The following ITGA1 variants were observed in gnomAD, a reference collection of about 807,000 sequenced individuals.
ITGA1 encodes the protein integrin subunit alpha 1, also known as integrin alpha-1.
In ITGA1, 85 loss-of-function variants were observed where a neutral mutation model predicts 145.9. The observed-to-expected ratio is 0.58, with a 90% CI of 0.49 to 0.70. The LOEUF (loss-of-function observed/expected upper bound fraction) is 0.70, where lower values mean the gene tolerates loss of function less well. Ranked by LOEUF, ITGA1 falls within the 30% of genes least tolerant of loss-of-function variation. ITGA1 has a pLI of 0.00. For synonymous variants in ITGA1, 520 were observed against 495.3 expected, an observed-to-expected ratio of 1.05 and a Z score of -0.66; for missense variants, 1,351 against 1,418.7, an observed-to-expected ratio of 0.95 and a Z score of 0.77.
chr5:52,833,153 C>A (rs1476889573), intron 1 of ITGA1, among the ~76,000 whole-genome samples: 36 of 150,900 alleles, frequency 2.4e-4, no homozygotes, highest in Non-Finnish European at 1.3e-4. Flanking sequence ...GATAGTGCCA[C>A]TGCACTCCAA....
chr5:52,801,429 C>T, intron 1 of ITGA1: 1 of 1,613,542 alleles, frequency 6.2e-7, no homozygotes, highest in Non-Finnish European at 8.5e-7. Context: ...CCTCCGGACA[C>T]AAGTACTCCC....
chr5:52,818,888 A>G (rs1466892867), intron 1 of ITGA1, among the ~76,000 whole-genome samples: 1 of 152,158 alleles, frequency 6.6e-6, no homozygotes, highest in East Asian at 1.9e-4. Context: ...AAACACTATT[A>G]CCTAGCTTAA....
intron 1 of ITGA1, among the ~76,000 whole-genome samples, chr5:52,842,463 C>T (rs531829235): frequency 3.4e-4 from 51 of 152,224 alleles, no homozygotes; most frequent in Middle Eastern, 3.4e-3. Flanking sequence ...AGGGAAAAGT[C>T]CTCTTTTGAA....
rs58664401 is a variant in ITGA1, at chr5:52,872,575, A to ATTTTTTTTTTTTTTTTTTTTTTTTTT, written c.624+6776_624+6777insTTTTTTTTTTTTTTTTTTTTTTTTTT. Among the ~76,000 whole-genome samples the ATTTTTTTTTTTTTTTTTTTTTTTTTT allele has an allele frequency of 1.0e-3, 103 of 98,344 alleles. 14 individuals are homozygous for ATTTTTTTTTTTTTTTTTTTTTTTTTT. Among genetic ancestry groups the ATTTTTTTTTTTTTTTTTTTTTTTTTT allele is most frequent in the East Asian group, 3.1e-3 (7 of 2,286 alleles). 64.5% of individuals were successfully genotyped at this position (98,344 alleles called of 152,430 possible). A position where few individuals can be genotyped will look rare whatever the true frequency, so the allele number is the denominator to read the frequency against. ...CTTCCCCTTACACCCGCCTCAGTCA[A>ATTTTTTTTTTTTTTTTTTTTTTTTTT]TTTTTTTTTTTTTTTTTTGTGGGTG... On this transcript the variant is annotated intron_variant, in intron 6 of 28. Transcript: ENST00000282588.
rs769387631 is a variant in ITGA1, at chr5:52,908,967, C to G, written c.1525C>G (p.Leu509Val). 4 of 1,613,688 alleles carry G rather than the reference C, an allele frequency of 2.5e-6. No homozygotes were observed. In the African/African-American group the frequency reaches 4.0e-5, roughly 16 times the overall value. The change falls in exon 13 of 29, where the codon CTA (leucine) becomes GTA (valine). Residue 509 changes from leucine (L) to valine (V), a missense_variant. Transcript: ENST00000282588. ...IDKDSNTDIL[L>V]VGAPMYMGTE... ...CAAGGATTCTAATACTGACATTCTT[C>G]TAGTCGGAGCCCCTATGTACATGGG... is the stretch of plus-strand genomic sequence containing the variant.
intron 1 of ITGA1, chr5:52,801,894 A>T (rs1748496426): frequency 7.6e-7 from 1 of 1,313,886 alleles, no homozygotes; most frequent in Non-Finnish European, 1.0e-6. Flanking sequence ...GTTACAGTAC[A>T]TTTCTCAGCA....
At chr5:52,922,426 T>C (rs1286796264) in intron 17 of ITGA1, among the ~76,000 whole-genome samples, 4 of 152,210 alleles carry the variant, frequency 2.6e-5, no homozygotes, top group African/African-American at 9.6e-5. Flanking sequence ...CCCGGAAGTG[T>C]TACATAATGA....
chr5:52,879,321 A>C (rs541660775), intron 6 of ITGA1, among the ~76,000 whole-genome samples: 77 of 152,322 alleles, frequency 5.1e-4, no homozygotes, highest in African/African-American at 1.8e-3. Context: ...AAATAAAAAC[A>C]AAGGGGAAGA....
At chr5:52,912,626 A>G (rs927075311) in intron 14 of ITGA1, among the ~76,000 whole-genome samples, 6 of 146,404 alleles carry the variant, frequency 4.1e-5, no homozygotes, top group Non-Finnish European at 9.0e-5. Context: ...TATATTATAT[A>G]TAGTGTATCT....
Position 52,873,229 on chromosome 5 carries a change from C to G in ITGA1, c.624+7412C>G, listed in dbSNP as rs1046023511. Reference sequence around the variant, plus strand: ...TTGTGGGGGATTCCCCTGGACAACCCTTTACATTGTATTTCAGTCTTTTCT... The same window carrying G: ...TTGTGGGGGATTCCCCTGGACAACCGTTTACATTGTATTTCAGTCTTTTCT... On this transcript the variant is annotated intron_variant, in intron 6 of 28. Coordinates refer to ENST00000282588, the MANE Select transcript of ITGA1 (RefSeq NM_181501.2). 2.0e-5 allele frequency among the ~76,000 whole-genome samples: 3 copies of G among 152,182 alleles called. No individual in the cohort carries two copies. The East Asian group carries it at 5.8e-4, about 29-fold the overall frequency.
At chr5:52,878,712 C>T (rs904628770) in intron 6 of ITGA1, among the ~76,000 whole-genome samples, 7 of 152,112 alleles carry the variant, frequency 4.6e-5, no homozygotes, top group African/African-American at 9.7e-5. Context: ...TGTTTGACAG[C>T]GCTCAAATAT....
intron 8 of ITGA1, 120 bp downstream of exon 8, chr5:52,888,085 A>G: frequency 3.9e-6 from 4 of 1,028,158 alleles, no homozygotes. Context: ...TCTCCATTTG[A>G]AGGTAAGCCC....
At position 52,887,922 on chromosome 5, in the gene ITGA1, T is replaced by A; in HGVS notation, c.881T>A (p.Ile294Asn). 1 of 1,613,952 alleles carries A rather than the reference T, an allele frequency of 6.2e-7. No individual in the cohort carries two copies. Among genetic ancestry groups the A allele is most frequent in the Non-Finnish European group, 8.5e-7 (1 of 1,179,890 alleles). The change falls in exon 8 of 29, where the codon ATC (isoleucine) becomes AAC (asparagine). Residue 294 changes from isoleucine to asparagine, a missense_variant. By Grantham distance (149) the Ile-to-Asn change is moderately radical. Coordinates refer to ENST00000282588, the MANE Select transcript of ITGA1 (RefSeq NM_181501.2). Reference protein sequence around the residue: ...SHDNHRLKKVIQDCEDENIQR... With the variant: ...SHDNHRLKKVNQDCEDENIQR... ...GACAATCATCGACTGAAGAAGGTCA[T>A]CCAAGACTGTGAAGATGAAAACATT...
intron 1 of ITGA1, chr5:52,801,440 T>G (rs755238457): frequency 1.2e-6 from 2 of 1,614,048 alleles, no homozygotes; most frequent in Non-Finnish European, 1.7e-6. Context: ...AAGTACTCCC[T>G]GAAAGAGGCC....
intron 1 of ITGA1, among the ~76,000 whole-genome samples, chr5:52,790,060 T>C (rs890445006): frequency 1.3e-5 from 2 of 152,346 alleles, no homozygotes; most frequent in East Asian, 1.9e-4. Flanking sequence ...TTATATTCTG[T>C]AGGCTCTTCT....
Position 52,865,792 on chromosome 5 carries a change from T to C in ITGA1, c.599T>C (p.Met200Thr). ...TTTTTAAATGACCTTCTTGAAAGAA[T>C]GGATATTGGTCCTAAACAGACACAG... ...TAFLNDLLER[M>T]DIGPKQTQVG... The change falls in exon 6 of 29, where the codon ATG becomes ACG. Residue 200 changes from methionine to threonine, a missense_variant. Transcript: ENST00000282588. The C allele has an allele frequency of 6.2e-7, 1 of 1,602,250 alleles. No individual in the cohort carries two copies. Among genetic ancestry groups the C allele is most frequent in the Admixed American group, 1.7e-5 (1 of 57,608 alleles).
chr5:52,943,662 A>C (rs1233604833), intron 26 of ITGA1, among the ~76,000 whole-genome samples: 1 of 152,120 alleles, frequency 6.6e-6, no homozygotes, highest in Non-Finnish European at 1.5e-5. Context: ...GCAGGTAGAT[A>C]GGTGACACCT....
At chr5:52,807,328 G>A (rs766976002) in intron 1 of ITGA1, among the ~76,000 whole-genome samples, 15 of 152,130 alleles carry the variant, frequency 9.9e-5, no homozygotes, top group Admixed American at 2.0e-4. Context: ...CTTATTAAGT[G>A]TCAGGTCTTA....
In ITGA1 at chr5:52,849,351, T is replaced by C. The variant is rs1185586066; in HGVS notation, c.62-14T>C. 6.3e-7 allele frequency: 1 copy of C among 1,586,396 alleles called. No homozygotes were observed. The highest frequency in any genetic ancestry group is 8.6e-7 in the Non-Finnish European group (1 of 1,161,586). On this transcript the variant is annotated splice_polypyrimidine_tract_variant and intron_variant, in intron 1 of 28. Transcript: ENST00000282588. ...GTTAACTCTATGTAACTGGATTTTG[T>C]TTTTCTCCTAAAGTTGTTCTACGCT...
Sources: gnomAD v4.1 joint callset for allele counts (sites outside exome capture counted in the v4.1 genomes callset) on GRCh38, gnomAD v4.1.1 for gene constraint, MANE v1.5 for transcripts, NCBI Gene and HGNC (gene_info 2026-07-23, HGNC 2026-07-21) for gene names.